The following WWOX variants were observed in gnomAD, a reference collection of about 807,000 sequenced individuals.
WWOX encodes WW domain containing oxidoreductase.
Under a neutral mutation model 46.2 loss-of-function variants are expected in WWOX, and 69 were observed. The observed-to-expected ratio is 1.49, with a 90% CI of 1.23 to 1.82. The LOEUF is 1.82. Among genes scored for constraint, WWOX ranks in the 40% most tolerant of loss-of-function variants. WWOX has a pLI of 0.00. For synonymous variants in WWOX, 359 were observed against 202.6 expected, an observed-to-expected ratio of 1.77 and a Z score of -6.56; for missense variants, 919 against 542.6, an observed-to-expected ratio of 1.69 and a Z score of -6.89.
At position 78,135,236 on chromosome 16, in the gene WWOX, G is replaced by T. The variant is rs187705079; in HGVS notation, c.409+20082G>T. Among the ~76,000 whole-genome samples the T allele has an allele frequency of 9.8e-4, 150 of 152,310 alleles. 1 individual carries two copies. Among genetic ancestry groups the T allele is most frequent in the Admixed American group, 2.2e-3 (34 of 15,308 alleles). On this transcript the variant is annotated intron_variant, in intron 4 of 8. Coordinates refer to ENST00000566780, the MANE Select transcript of WWOX (RefSeq NM_016373.4). ...TACCTAGCAAAGTGTTCACATGACA[G>T]TGTTTGAAATGTACCACGTGCCTTT...
chr16:78,988,013 A>G (rs989534117), intron 8 of WWOX, among the ~76,000 whole-genome samples: 1 of 151,972 alleles, frequency 6.6e-6, no homozygotes, highest in African/African-American at 2.4e-5. Flanking sequence ...TATTTTATAA[A>G]GGGGGGGTGG....
chr16:78,676,441 C>T, intron 8 of WWOX, among the ~76,000 whole-genome samples: 1 of 148,622 alleles, frequency 6.7e-6, no homozygotes, highest in East Asian at 2.0e-4. Context: ...GTTCCTGTTG[C>T]AGAAATTGGA....
chr16:78,633,266 C>A (rs564231419), intron 8 of WWOX, among the ~76,000 whole-genome samples: 1 of 152,048 alleles, frequency 6.6e-6, no homozygotes, highest in Non-Finnish European at 1.5e-5. Flanking sequence ...CATCTCAAAA[C>A]AAAACAAAAC....
intron 8 of WWOX, among the ~76,000 whole-genome samples, chr16:78,501,112 G>A (rs1379859790): frequency 6.7e-6 from 1 of 150,004 alleles, no homozygotes; most frequent in Non-Finnish European, 1.5e-5. Context: ...CCAGGTCTCA[G>A]TTAATGCCCA....
At chr16:78,385,761 C>T (rs1420010582) in intron 5 of WWOX, among the ~76,000 whole-genome samples, 2 of 152,204 alleles carry the variant, frequency 1.3e-5, no homozygotes, top group Non-Finnish European at 2.9e-5. Flanking sequence ...GCATCACAGT[C>T]TAGACTAGAA....
chr16:78,240,034 C>T (rs1221479215), intron 5 of WWOX, among the ~76,000 whole-genome samples: 1 of 151,976 alleles, frequency 6.6e-6, no homozygotes, highest in South Asian at 2.1e-4. Context: ...GGTGGAATAG[C>T]GTCTCCCCAA....
intron 4 of WWOX, among the ~76,000 whole-genome samples, chr16:78,155,277 G>C: frequency 6.6e-6 from 1 of 151,686 alleles, no homozygotes; most frequent in East Asian, 1.9e-4. Context: ...GAAGGGAAAG[G>C]GAAGGAAGGA....
At chr16:78,811,258 A>T (rs551821161) in intron 8 of WWOX, among the ~76,000 whole-genome samples, 5 of 152,142 alleles carry the variant, frequency 3.3e-5, no homozygotes, top group Non-Finnish European at 5.9e-5. Context: ...TTATTCTGCA[A>T]TTGCTGAGTA....
chr16:78,820,130 C>G (rs1196147128), intron 8 of WWOX, among the ~76,000 whole-genome samples: 2 of 152,130 alleles, frequency 1.3e-5, no homozygotes, highest in African/African-American at 4.8e-5. Context: ...CTAGTAGGCT[C>G]TCAGGATGCA....
At chr16:79,189,372 C>G (rs1347229916) in intron 8 of WWOX, among the ~76,000 whole-genome samples, 1 of 151,748 alleles carries the variant, frequency 6.6e-6, no homozygotes, top group African/African-American at 2.4e-5. Context: ...ATCCTCCTGT[C>G]TCAGCCTCCC....
chr16:79,038,063 G>C (rs1412199693), intron 8 of WWOX, among the ~76,000 whole-genome samples: 2 of 152,028 alleles, frequency 1.3e-5, no homozygotes, highest in African/African-American at 4.8e-5. Context: ...CATTCTCTCG[G>C]CTTCCCTCCT....
At chr16:78,815,650 C>G (rs2142725607) in intron 8 of WWOX, among the ~76,000 whole-genome samples, 1 of 152,298 alleles carries the variant, frequency 6.6e-6, no homozygotes, top group Non-Finnish European at 1.5e-5. Context: ...TGAGCCATGG[C>G]TCCTTTTGCT....
intron 8 of WWOX, among the ~76,000 whole-genome samples, chr16:78,458,253 G>C (rs963400068): frequency 6.1e-4 from 69 of 112,968 alleles, no homozygotes; most frequent in Admixed American, 4.2e-3. Context: ...TGTTTCATTG[G>C]TATAGTTTTT....
intron 8 of WWOX, among the ~76,000 whole-genome samples, chr16:78,577,950 A>G (rs997602497): frequency 2.6e-5 from 4 of 152,016 alleles, no homozygotes; most frequent in African/African-American, 9.7e-5. Flanking sequence ...GTTTTTCCAG[A>G]TAACCAAGAC....
At chr16:79,106,832 G>C (rs1363034243) in intron 8 of WWOX, 1 of 140,676 alleles carries the variant, frequency 7.1e-6, no homozygotes, top group Non-Finnish European at 1.5e-5. Context: ...TTTTGAGATG[G>C]AGTCTTGTTC....
At chr16:79,073,988 C>A (rs527379592) in intron 8 of WWOX, among the ~76,000 whole-genome samples, 1 of 136,560 alleles carries the variant, frequency 7.3e-6, no homozygotes, top group Non-Finnish European at 1.6e-5. Flanking sequence ...AAGTTATTTG[C>A]CAAAGGTCTG....
At chr16:78,896,743 C>G (rs1349068730) in intron 8 of WWOX, 1 of 144,410 alleles carries the variant, frequency 6.9e-6, no homozygotes, top group African/African-American at 2.7e-5. Flanking sequence ...TGGAATAATT[C>G]TCTTCACAGA....
intron 8 of WWOX, among the ~76,000 whole-genome samples, chr16:79,091,939 C>G (rs1355842611): frequency 1.3e-4 from 19 of 151,802 alleles, no homozygotes; most frequent in African/African-American, 4.4e-4. Context: ...TGCCACCACG[C>G]CCAGCTAATT....
intron 8 of WWOX, among the ~76,000 whole-genome samples, chr16:78,842,891 T>A (rs1302091798): frequency 2.0e-5 from 3 of 149,716 alleles, no homozygotes; most frequent in Non-Finnish European, 3.0e-5. Context: ...GGGATAAAGA[T>A]AGACTTAAAA....
Sources: gnomAD v4.1 joint callset for allele counts (sites outside exome capture counted in the v4.1 genomes callset) on GRCh38, gnomAD v4.1.1 for gene constraint, MANE v1.5 for transcripts, NCBI Gene and HGNC (gene_info 2026-07-23, HGNC 2026-07-21) for gene names.